RANBP2: variants seen among roughly 807,000 people sequenced by gnomAD.
The protein encoded by RANBP2 is E3 SUMO-protein ligase RanBP2.
A neutral mutation model predicts 303.6 loss-of-function variants in RANBP2; 57 were observed. That is an observed-to-expected ratio of 0.19 (90% CI 0.15 to 0.23). The LOEUF (loss-of-function observed/expected upper bound fraction) is 0.23, where lower values mean the gene tolerates loss of function less well. Ranked by LOEUF, RANBP2 falls within the 10% of genes least tolerant of loss-of-function variation. The pLI, the probability that RANBP2 is intolerant of heterozygous loss-of-function variation, is 1.00. For synonymous variants in RANBP2, 1,167 were observed against 1,301.5 expected (o/e 0.90, Z 2.23); for missense variants, 3,138 against 3,780.8 (o/e 0.83, Z 4.46).
the RANBP2 span, among the ~76,000 whole-genome samples, chr2:109,653,112 T>C: frequency 6.6e-6 from 1 of 152,058 alleles, no homozygotes; most frequent in Non-Finnish European, 1.5e-5. Context: ...CAAAGGTGAC[T>C]GTGGCTGGGC....
the RANBP2 span, among the ~76,000 whole-genome samples, chr2:109,528,582 G>GAAGA: frequency 0.046 from 7,069 of 152,210 alleles, 549 homozygotes; most frequent in African/African-American, 0.16. Context: ...GGAGGTGGGA[G>GAAGA]AAGGGAAGGA....
the RANBP2 span, among the ~76,000 whole-genome samples, chr2:109,021,475 A>G: frequency 7.5e-5 from 11 of 147,326 alleles, no homozygotes; most frequent in South Asian, 6.6e-4. Flanking sequence ...GTGAGCCGAG[A>G]TGGCGCCACT....
At chr2:109,427,193 T>G in the RANBP2 span, among the ~76,000 whole-genome samples, 5 of 152,082 alleles carry the variant, frequency 3.3e-5, no homozygotes, top group Admixed American at 3.3e-4. Context: ...GGTCTCAAAC[T>G]CCTGACCTCA....
chr2:109,654,893 T>C, the RANBP2 span, among the ~76,000 whole-genome samples: 1 of 151,600 alleles, frequency 6.6e-6, no homozygotes, highest in Non-Finnish European at 1.5e-5. Context: ...GGTGATCTTA[T>C]TTCTTTTCTT....
chr2:109,763,893 CAG>C, the RANBP2 span, among the ~76,000 whole-genome samples: 2 of 147,538 alleles, frequency 1.4e-5, no homozygotes, highest in African/African-American at 2.5e-5. Flanking sequence ...CTTGCAGTCA[CAG>C]AGAGTGTCCT....
chr2:109,619,017 G>C, the RANBP2 span: 2 of 166,982 alleles, frequency 1.2e-5, no homozygotes, highest in Admixed American at 6.6e-5. Flanking sequence ...CTAAGTTTCT[G>C]TCGTCCTTTA....
the RANBP2 span, among the ~76,000 whole-genome samples, chr2:109,221,550 C>G: frequency 2.0e-5 from 3 of 148,786 alleles, no homozygotes; most frequent in Non-Finnish European, 4.4e-5. Flanking sequence ...CCAGTGCACT[C>G]CAGCCTGGGT....
the RANBP2 span, among the ~76,000 whole-genome samples, chr2:108,889,572 G>C: frequency 7.1e-6 from 1 of 140,278 alleles, no homozygotes. Flanking sequence ...TTTTTTCACT[G>C]TTTTTGACTT....
At chr2:109,173,768 T>C in the RANBP2 span, among the ~76,000 whole-genome samples, 1 of 152,108 alleles carries the variant, frequency 6.6e-6, no homozygotes, top group Non-Finnish European at 1.5e-5. Flanking sequence ...CTGCCTGTGG[T>C]GTGTGCTGTG....
chr2:108,873,557 C>T, the RANBP2 span: 4 of 1,609,730 alleles, frequency 2.5e-6, no homozygotes, highest in Non-Finnish European at 8.5e-7. Flanking sequence ...TAGAAAAACT[C>T]AGTATTATTT....
the RANBP2 span, among the ~76,000 whole-genome samples, chr2:109,205,153 G>T: frequency 2.6e-5 from 4 of 152,198 alleles, no homozygotes; most frequent in East Asian, 7.7e-4. Flanking sequence ...GCTACAATGA[G>T]CCATGTTTAT....
chr2:109,295,617 C>G, the RANBP2 span, among the ~76,000 whole-genome samples: 2 of 152,166 alleles, frequency 1.3e-5, no homozygotes, highest in East Asian at 3.9e-4. Flanking sequence ...CCTGCAAGTG[C>G]CCAGGCATGC....
chr2:109,315,783 T>G, the RANBP2 span, among the ~76,000 whole-genome samples: 1,226 of 152,356 alleles, frequency 8.0e-3, 17 homozygotes, highest in Non-Finnish European at 0.011. Context: ...GAATGCCGGT[T>G]GCTGCCTTGG....
the RANBP2 span, among the ~76,000 whole-genome samples, chr2:108,957,956 C>T: frequency 5.3e-4 from 81 of 152,226 alleles, no homozygotes; most frequent in Admixed American, 2.2e-3. Flanking sequence ...ACAGTTCCTG[C>T]AGAAAATGAA....
the RANBP2 span, among the ~76,000 whole-genome samples, chr2:109,695,875 T>C: frequency 6.6e-6 from 1 of 152,176 alleles, no homozygotes; most frequent in African/African-American, 2.4e-5. Context: ...AGCACTTTAG[T>C]TAGGGAGGAC....
the RANBP2 span, among the ~76,000 whole-genome samples, chr2:109,569,086 C>CGAT: frequency 6.6e-6 from 1 of 152,092 alleles, no homozygotes; most frequent in Non-Finnish European, 1.5e-5. Context: ...TCAGGCTAAT[C>CGAT]AGTCATATGT....
intron 28 of RANBP2, among the ~76,000 whole-genome samples, chr2:108,783,333 T>TAAAAAAA (rs71381992): frequency 7.2e-5 from 3 of 41,426 alleles, no homozygotes; most frequent in African/African-American, 2.2e-4. Flanking sequence ...AGCCTGTCAT[T>TAAAAAAA]AAAAAAAAAA....
the RANBP2 span, among the ~76,000 whole-genome samples, chr2:109,449,844 A>G: frequency 7.2e-5 from 11 of 152,234 alleles, no homozygotes; most frequent in Non-Finnish European, 1.3e-4. Flanking sequence ...GTGCTGGGAT[A>G]TTGTAATAAT....
In RANBP2 at chr2:108,785,339, G is replaced by A. The variant is rs531645567; in HGVS notation, c.*1438G>A. On this transcript the variant is annotated 3_prime_UTR_variant, in exon 29 of 29. Transcript: ENST00000283195. Reference sequence around the variant, plus strand: ...CAGTCTTGAACCATGGATTACATATGTTTACACTAAATATTTCAAATTGGC... The same window carrying A: ...CAGTCTTGAACCATGGATTACATATATTTACACTAAATATTTCAAATTGGC... 1 of 152,162 alleles carries A rather than the reference G, an allele frequency of 6.6e-6. No individual in the cohort carries two copies. Among genetic ancestry groups the A allele is most frequent in the African/African-American group, 2.4e-5 (1 of 41,438 alleles). 9.4% of individuals were successfully genotyped at this position (152,162 alleles called of 1,614,324 possible).
Sources: allele counts gnomAD v4.1 joint callset (sites outside exome capture counted in the v4.1 genomes callset), GRCh38; gene constraint gnomAD v4.1.1; transcripts MANE v1.5; gene names NCBI Gene and HGNC (gene_info 2026-07-23, HGNC 2026-07-21).